ACBD3: variants seen among roughly 807,000 people sequenced by gnomAD.
ACBD3 encodes the protein Golgi resident protein GCP60.
A neutral mutation model predicts 66.9 loss-of-function variants in ACBD3; 30 were observed. That is an observed-to-expected ratio of 0.45 (90% CI 0.34 to 0.61). ACBD3 has a LOEUF of 0.61. Among genes scored for constraint, ACBD3 ranks in the 20% least tolerant of loss-of-function variants. The pLI is 0.02. For missense variants in ACBD3, 544 were observed against 664.5 expected (o/e 0.82, Z 1.99); for synonymous variants, 278 against 259.8 (o/e 1.07, Z -0.68).
At chr1:226,178,244 T>A (rs1044623617) in intron 1 of ACBD3, among the ~76,000 whole-genome samples, 1 of 152,006 alleles carries the variant, frequency 6.6e-6, no homozygotes, top group Non-Finnish European at 1.5e-5. Context: ...AAGATTACAA[T>A]TAAGTCCCTC....
chr1:226,150,584 G>A (rs1444169856), intron 7 of ACBD3, among the ~76,000 whole-genome samples: 3 of 152,080 alleles, frequency 2.0e-5, no homozygotes. Flanking sequence ...TCACCATGTT[G>A]GCCAGACTGG....
chr1:226,152,243 C>A, intron 7 of ACBD3, 92 bp downstream of exon 7: 1 of 1,487,354 alleles, frequency 6.7e-7, no homozygotes, highest in Non-Finnish European at 9.2e-7. Flanking sequence ...AAGTGTTAGT[C>A]AGGAAGCATA....
At chr1:226,178,735 G>C (rs1182033473) in intron 1 of ACBD3, among the ~76,000 whole-genome samples, 4 of 151,908 alleles carry the variant, frequency 2.6e-5, no homozygotes, top group South Asian at 2.1e-4. Context: ...TAAAATCTAC[G>C]GCGTGGAAAG....
At chr1:226,182,560 G>A (rs1043916734) in intron 1 of ACBD3, among the ~76,000 whole-genome samples, 1 of 152,152 alleles carries the variant, frequency 6.6e-6, no homozygotes, top group African/African-American at 2.4e-5. Context: ...GTTGCAGGGA[G>A]TGGAGATCAT....
In ACBD3 at chr1:226,154,729, T is replaced by C. The variant is rs756629757; in HGVS notation, c.1008A>G (p.Gly336=). Residue 336 remains glycine (G), a synonymous_variant, in exon 6 of 8, where the codon GGA becomes GGG. Coordinates refer to ENST00000366812, the MANE Select transcript of ACBD3 (RefSeq NM_022735.4). ...TVPSNMMSVN[G]QAKTHTDSSE... ...AGCTGTCAGTGTGTGTTTTGGCCTG[T>C]CCATTAACTGACATCATATTACTTG... The C allele has an allele frequency of 1.2e-6, 2 of 1,613,866 alleles. No homozygotes were observed. The highest frequency in any genetic ancestry group is 1.7e-6 in the Non-Finnish European group (2 of 1,179,922).
At chr1:226,149,230 T>C (rs1659514560) in intron 7 of ACBD3, among the ~76,000 whole-genome samples, 1 of 102,512 alleles carries the variant, frequency 9.8e-6, no homozygotes, top group South Asian at 3.1e-4. Context: ...AGCTCTTTCA[T>C]TTTTTTTTTT....
intron 1 of ACBD3, among the ~76,000 whole-genome samples, chr1:226,178,738 G>A (rs1193688928): frequency 6.6e-6 from 1 of 152,044 alleles, no homozygotes; most frequent in African/African-American, 2.4e-5. Context: ...AATCTACGGC[G>A]TGGAAAGGAT....
intron 1 of ACBD3, among the ~76,000 whole-genome samples, chr1:226,178,686 C>A (rs556074205): frequency 2.0e-5 from 3 of 151,576 alleles, no homozygotes; most frequent in African/African-American, 7.3e-5. Flanking sequence ...CAAATTATTT[C>A]AATGTCCCTT....
At chr1:226,184,185 T>C (rs1656239988) in intron 1 of ACBD3, among the ~76,000 whole-genome samples, 1 of 151,962 alleles carries the variant, frequency 6.6e-6, no homozygotes, top group African/African-American at 2.4e-5. Flanking sequence ...AGAGTGAGAC[T>C]CTATCTCAAA....
At position 226,144,951 on chromosome 1, in the gene ACBD3, TAA is replaced by T. The variant is rs1026281202; in HGVS notation, c.*1657_*1658del. 3.3e-5 allele frequency: 5 copies of T among 152,494 alleles called. No individual in the cohort carries two copies. Among genetic ancestry groups the T allele is most frequent in the Non-Finnish European group, 2.9e-5 (2 of 68,006 alleles). The allele number at this position is 152,494 out of a possible 1,614,324, so 9.4% of individuals were successfully genotyped here. A position where few individuals can be genotyped will look rare whatever the true frequency, so the allele number is the denominator to read the frequency against. On this transcript the variant is annotated 3_prime_UTR_variant, in exon 8 of 8. Transcript: ENST00000366812. The stretch of plus-strand genomic sequence containing the variant: ...GAAATATATATTAGTGCCTGCTTTT[TAA>T]AAGTTTATTTTACATTTTAAATACA...
chr1:226,164,955 C>T lies in ACBD3; in HGVS notation c.429-26G>A, dbSNP rs767365500. ...CTGTAAGGAATAACAAGAAAAGTTA[C>T]CTCCCCTTCTTAGTAGAATGAGAAC... On this transcript the variant is annotated intron_variant, in intron 2 of 7. Transcript: ENST00000366812. The T allele has an allele frequency of 5.3e-6, 8 of 1,515,510 alleles. No individual in the cohort carries two copies. The South Asian group carries it at 1.1e-4, about 21-fold the overall frequency. 93.9% of individuals were successfully genotyped at this position (1,515,510 alleles called of 1,614,324 possible).
intron 1 of ACBD3, among the ~76,000 whole-genome samples, chr1:226,185,070 A>T (rs1171629025): frequency 6.6e-6 from 1 of 152,174 alleles, no homozygotes; most frequent in Non-Finnish European, 1.5e-5. Context: ...AGCTATATGA[A>T]TTGTACAGAA....
intron 1 of ACBD3, among the ~76,000 whole-genome samples, chr1:226,171,375 C>A (rs1659989868): frequency 6.6e-6 from 1 of 152,064 alleles, no homozygotes; most frequent in East Asian, 1.9e-4. Flanking sequence ...TCTCGAACTC[C>A]TGATCTCAGG....
intron 1 of ACBD3, among the ~76,000 whole-genome samples, chr1:226,172,845 T>C (rs1159563592): frequency 6.6e-6 from 1 of 152,088 alleles, no homozygotes; most frequent in Non-Finnish European, 1.5e-5. Context: ...GCGCCTGAAG[T>C]CCAGGCTTCT....
intron 7 of ACBD3, chr1:226,147,861 T>C (rs1659488282): frequency 6.6e-6 from 1 of 152,196 alleles, no homozygotes; most frequent in Non-Finnish European, 1.5e-5. Context: ...TTTAACATAT[T>C]TAATACAAAC....
rs541452013 is a variant in ACBD3, at chr1:226,154,546, T to C, written c.1090+101A>G. 1.8e-5 allele frequency: 24 copies of C among 1,347,502 alleles called. No individual in the cohort carries two copies. The South Asian group carries it at 2.8e-4, about 15-fold the overall frequency. The allele number at this position is 1,347,502 out of a possible 1,614,324, so 83.5% of individuals were successfully genotyped here. On this transcript the variant is annotated intron_variant, in intron 6 of 7. Transcript: ENST00000366812. ...AAAAAATGTTCAACTCTCACAAATATGTAATTGTTCTCAAAAGCTAATTAT... is the reference window on the plus strand; with the variant it reads ...AAAAAATGTTCAACTCTCACAAATACGTAATTGTTCTCAAAAGCTAATTAT...
At position 226,152,357 on chromosome 1, in the gene ACBD3, G is replaced by A. The variant is rs761016521; in HGVS notation, c.1353C>T (p.Ser451=). The A allele has an allele frequency of 2.1e-5, 34 of 1,614,020 alleles. 1 individual carries two copies. In the East Asian group the frequency reaches 4.5e-4, roughly 21 times the overall value. Reference sequence around the variant, plus strand: ...TACCTTCTTCCTCCTCGTCGTCATCGCTGGACTCACTGACATGCACGCTGA... The same window carrying A: ...TACCTTCTTCCTCCTCGTCGTCATCACTGGACTCACTGACATGCACGCTGA... ...TAVSVHVSES[S]DDDEEEEENI... Residue 451 remains serine (S), a synonymous_variant, in exon 7 of 8, where the codon AGC becomes AGT. Transcript: ENST00000366812.
chr1:226,156,267 T>G (rs1449802512), intron 5 of ACBD3, among the ~76,000 whole-genome samples: 1 of 152,246 alleles, frequency 6.6e-6, no homozygotes, highest in Non-Finnish European at 1.5e-5. Flanking sequence ...AAATGGGTTG[T>G]ATAGTATACA....
chr1:226,186,401 C>T lies in ACBD3; in HGVS notation c.275G>A (p.Arg92His). The change falls in exon 1 of 8, where the codon CGC (arginine) becomes CAC (histidine). Residue 92 changes from arginine to histidine, a missense_variant. Around this residue, in one of 3 missense-constraint regions of ACBD3, gnomAD observed 137 missense variants for 145.9 expected, o/e 0.94. Coordinates refer to ENST00000366812, the MANE Select transcript of ACBD3 (RefSeq NM_022735.4). ...CTGGCCCGGCTCACCTTTGAAGAAG[C>T]GCAGTGCCAGGCCGTACAACTCCTC... ...GLEELYGLAL[R>H]FFKEKDGKAF... is the part of the protein sequence containing the mutation. The T allele has an allele frequency of 6.6e-7, 1 of 1,519,888 alleles. No homozygotes were observed. 94.2% of individuals were successfully genotyped at this position (1,519,888 alleles called of 1,614,324 possible). A position where few individuals can be genotyped will look rare whatever the true frequency, so the allele number is the denominator to read the frequency against.
Sources: gnomAD v4.1 joint callset for allele counts (sites outside exome capture counted in the v4.1 genomes callset) on GRCh38, gnomAD v4.1.1 for gene constraint, gnomAD v4.1.1 regional missense constraint, MANE v1.5 for transcripts, NCBI Gene and HGNC (gene_info 2026-07-23, HGNC 2026-07-21) for gene names.